Variants in GAPVD1 observed in about 807,000 individuals in gnomAD.
GAPVD1 encodes GTPase activating protein and VPS9 domains 1.
In GAPVD1, 35 loss-of-function variants were observed where a neutral mutation model predicts 155.5. The observed-to-expected ratio is 0.23, with a 90% CI of 0.17 to 0.30. The LOEUF (loss-of-function observed/expected upper bound fraction) is 0.30, where lower values mean the gene tolerates loss of function less well. Among genes scored for constraint, GAPVD1 ranks in the 10% least tolerant of loss-of-function variants. GAPVD1 has a pLI of 1.00. For missense variants in GAPVD1, 1,429 were observed against 1,775.7 expected (o/e 0.80, Z 3.51); for synonymous variants, 636 against 619.7 (o/e 1.03, Z -0.39).
At chr9:125,294,096 T>C (rs1461309655) in intron 2 of GAPVD1, among the ~76,000 whole-genome samples, 3 of 150,952 alleles carry the variant, frequency 2.0e-5, no homozygotes, top group African/African-American at 7.3e-5. Context: ...TGTTTTTAAG[T>C]GGAGATAGGG....
intron 12 of GAPVD1, 58 bp from the exon 13 acceptor site, chr9:125,330,020 A>G (rs1845858581): frequency 2.1e-6 from 3 of 1,447,936 alleles, no homozygotes; most frequent in Non-Finnish European, 1.9e-6. Flanking sequence ...TTTCTCCACT[A>G]TCACTGCACT....
At chr9:125,276,412 CTT>C (rs1835793960) in intron 2 of GAPVD1, among the ~76,000 whole-genome samples, 1 of 152,118 alleles carries the variant, frequency 6.6e-6, no homozygotes, top group African/African-American at 2.4e-5. Flanking sequence ...TCTTTCCAGT[CTT>C]TAATAAAAAT....
At chr9:125,342,517 C>G (rs1194750126) in intron 19 of GAPVD1, among the ~76,000 whole-genome samples, 1 of 152,234 alleles carries the variant, frequency 6.6e-6, no homozygotes, top group Non-Finnish European at 1.5e-5. Context: ...TCCTCATTAT[C>G]ATAACTCCGT....
rs186318164 is a variant in GAPVD1, at chr9:125,303,129, A to G, written c.1029+303A>G. On this transcript the variant is annotated intron_variant, in intron 5 of 27. Coordinates refer to ENST00000297933, the MANE Select transcript of GAPVD1 (RefSeq NM_001282680.3). ...AACCTCCGCCTCCCGGGTTCAAGCA[A>G]TTCTCCTGCTTCAGCCTCCTGAGTA... Among the ~76,000 whole-genome samples the G allele has an allele frequency of 2.2e-3, 336 of 152,090 alleles. 3 individuals carry two copies. The highest frequency in any genetic ancestry group is 0.015 in the Admixed American group (235 of 15,284).
chr9:125,326,684 T>G (rs545833903), intron 12 of GAPVD1, 95 bp downstream of exon 12: 4 of 838,164 alleles, frequency 4.8e-6, no homozygotes, highest in Non-Finnish European at 8.0e-6. Flanking sequence ...TGACAAACAT[T>G]GTGTGTGTTA....
intron 10 of GAPVD1, 149 bp downstream of exon 10, chr9:125,321,711 G>T: frequency 1.5e-6 from 1 of 681,210 alleles, no homozygotes; most frequent in South Asian, 2.3e-5. Flanking sequence ...CTGAACAGTT[G>T]GCTGTAAAGA....
chr9:125,294,961 T>G (rs1839610740), intron 2 of GAPVD1, among the ~76,000 whole-genome samples: 1 of 151,652 alleles, frequency 6.6e-6, no homozygotes, highest in Admixed American at 6.6e-5. Flanking sequence ...GACAAAATGT[T>G]TAGATTAGTT....
At chr9:125,304,863 ACT>A (rs778956568) in intron 5 of GAPVD1, among the ~76,000 whole-genome samples, 198 bp from the exon 6 acceptor site, 1 of 152,216 alleles carries the variant, frequency 6.6e-6, no homozygotes, top group Non-Finnish European at 1.5e-5. Flanking sequence ...ACTTTCTCTA[ACT>A]CTTAATCTAA....
intron 13 of GAPVD1, among the ~76,000 whole-genome samples, chr9:125,330,580 G>C (rs925849340): frequency 1.3e-5 from 2 of 152,156 alleles, no homozygotes; most frequent in Non-Finnish European, 2.9e-5. Context: ...GCCTCCCGAA[G>C]TGCTGGAATT....
At position 125,322,505 on chromosome 9, in the gene GAPVD1, A is replaced by G. The variant is rs1360393046; in HGVS notation, c.1732+943A>G. On this transcript the variant is annotated intron_variant, in intron 10 of 27. Transcript: ENST00000297933. ...TATGTTCATTCTACAAAACAGAGAA[A>G]TAGAATCACCTATAATCTCAAAATT... Among the ~76,000 whole-genome samples, 6 of 152,360 alleles carry G rather than the reference A, an allele frequency of 3.9e-5. No individual in the cohort carries two copies. In the East Asian group the frequency reaches 1.2e-3, roughly 29 times the overall value.
chr9:125,305,000 A>T, intron 5 of GAPVD1, 63 bp from the exon 6 acceptor site: 1 of 1,033,538 alleles, frequency 9.7e-7, no homozygotes, highest in Non-Finnish European at 1.5e-6. Flanking sequence ...TTGCTTTCAT[A>T]GAGACGTATT....
intron 3 of GAPVD1, among the ~76,000 whole-genome samples, chr9:125,298,239 ATTG>A (rs1840184410): frequency 6.6e-6 from 1 of 152,158 alleles, no homozygotes; most frequent in African/African-American, 2.4e-5. Flanking sequence ...GGATATTTTG[ATTG>A]TGATTAGAAA....
At chr9:125,326,220 A>G (rs1334489235) in intron 11 of GAPVD1, among the ~76,000 whole-genome samples, 196 bp from the exon 12 acceptor site, 1 of 152,200 alleles carries the variant, frequency 6.6e-6, no homozygotes, top group Non-Finnish European at 1.5e-5. Flanking sequence ...ATGCTAGATT[A>G]AGAAGTGAAT....
intron 2 of GAPVD1, among the ~76,000 whole-genome samples, chr9:125,278,853 A>T (rs923571812): frequency 1.3e-5 from 2 of 151,878 alleles, no homozygotes; most frequent in African/African-American, 4.8e-5. Flanking sequence ...AAAACAACAA[A>T]ACTCACATTA....
chr9:125,346,673 C>A, intron 19 of GAPVD1, 146 bp from the exon 20 acceptor site: 1 of 726,130 alleles, frequency 1.4e-6, no homozygotes, highest in South Asian at 1.5e-5. Context: ...TAGGCAGCTG[C>A]ATGGTGCCTC....
rs1851418705 is a variant in GAPVD1, at chr9:125,365,439, G to A, written c.*2693G>A. 6.6e-6 allele frequency: 1 copy of A among 151,870 alleles called. No individual in the cohort carries two copies. Among genetic ancestry groups the A allele is most frequent in the African/African-American group, 2.4e-5 (1 of 41,340 alleles). The allele number at this position is 151,870 out of a possible 1,614,324, so 9.4% of individuals were successfully genotyped here. The stretch of plus-strand genomic sequence containing the variant: ...GTGTAAAAGTACAAAATCAGCCCAG[G>A]AAACATTCAGCAGCCACTAGTTACT... On this transcript the variant is annotated 3_prime_UTR_variant, in exon 28 of 28. Transcript: ENST00000297933.
chr9:125,362,710 A>T lies in GAPVD1; in HGVS notation c.4347A>T (p.Ala1449=). The change falls in exon 28 of 28, where the codon GCA becomes GCT. Residue 1449 remains alanine (A), a synonymous_variant. Transcript: ENST00000297933. The part of the protein sequence containing the change: ...ESYWWMQFTA[A]VEFIKTIDDR... Reference sequence around the variant, plus strand: ...ATTGGTGGATGCAGTTCACAGCAGCAGTAGAATTCATTAAAACCATCGATG... The same window carrying T: ...ATTGGTGGATGCAGTTCACAGCAGCTGTAGAATTCATTAAAACCATCGATG... 1 of 1,613,960 alleles carries T rather than the reference A, an allele frequency of 6.2e-7. No homozygotes were observed. The highest frequency in any genetic ancestry group is 1.6e-4 in the Middle Eastern group (1 of 6,062).
Position 125,336,827 on chromosome 9 carries a change from T to C in GAPVD1, c.2429-191T>C, listed in dbSNP as rs890239062. 7.0e-6 allele frequency: 4 copies of C among 574,334 alleles called. No individual in the cohort carries two copies. The African/African-American group carries it at 7.6e-5, about 11-fold the overall frequency. The allele number at this position is 574,334 out of a possible 1,614,324, so 35.6% of individuals were successfully genotyped here. A position where few individuals can be genotyped will look rare whatever the true frequency, so the allele number is the denominator to read the frequency against. ...CACTTAAATGTAAAGAAAATCTGTG[T>C]ATGAAGATACTCATAAAAACAGAAA... On this transcript the variant is annotated intron_variant, in intron 15 of 27. Coordinates refer to ENST00000297933, the MANE Select transcript of GAPVD1 (RefSeq NM_001282680.3).
intron 12 of GAPVD1, among the ~76,000 whole-genome samples, chr9:125,328,871 C>T (rs935086353): frequency 3.3e-5 from 5 of 152,306 alleles, no homozygotes; most frequent in Admixed American, 6.5e-5. Flanking sequence ...GGCGGCTGGC[C>T]GGGCAGGGGG....
Sources: allele counts gnomAD v4.1 joint callset (sites outside exome capture counted in the v4.1 genomes callset), GRCh38; gene constraint gnomAD v4.1.1; transcripts MANE v1.5; gene names NCBI Gene and HGNC (gene_info 2026-07-23, HGNC 2026-07-21).